Variants in GCNT2 observed in about 807,000 individuals in gnomAD.
The protein encoded by GCNT2 is N-acetyllactosaminide beta-1,6-N-acetylglucosaminyl-transferase.
Under a neutral mutation model 34.2 loss-of-function variants are expected in GCNT2, and 34 were observed. The ratio of observed to expected loss-of-function variants is 1.00; its 90% CI spans 0.76 to 1.32. GCNT2 has a LOEUF of 1.32. Among genes scored for constraint, GCNT2 ranks in the 40% most tolerant of loss-of-function variants. The pLI is 0.00. For synonymous variants in GCNT2, 212 were observed against 188.0 expected (o/e 1.13, Z -1.04); for missense variants, 584 against 489.4 (o/e 1.19, Z -1.82).
At chr6:10,539,803 A>AG (rs1461647232) in intron 3 of GCNT2, among the ~76,000 whole-genome samples, 1 of 152,258 alleles carries the variant, frequency 6.6e-6, no homozygotes, top group African/African-American at 2.4e-5. Context: ...CAGGTATGTG[A>AG]GGCCGGGCAT....
chr6:10,602,963 G>A (rs1765144967), intron 3 of GCNT2, among the ~76,000 whole-genome samples: 3 of 152,170 alleles, frequency 2.0e-5, no homozygotes, highest in Admixed American at 2.0e-4. Flanking sequence ...ATTTGAAAGA[G>A]TCAGTAAAAC....
chr6:10,569,005 TATC>T (rs1763407086), intron 3 of GCNT2, among the ~76,000 whole-genome samples: 2 of 152,166 alleles, frequency 1.3e-5, no homozygotes, highest in South Asian at 4.1e-4. Context: ...ATCTCTGCAT[TATC>T]ATTATTAATG....
chr6:10,545,246 C>T (rs1762220685), intron 3 of GCNT2, among the ~76,000 whole-genome samples: 1 of 151,996 alleles, frequency 6.6e-6, no homozygotes, highest in Non-Finnish European at 1.5e-5. Flanking sequence ...TTTGCTTTTA[C>T]TTTTTTGGCT....
At chr6:10,542,139 AAAAAG>A (rs1430457549) in intron 3 of GCNT2, among the ~76,000 whole-genome samples, 3 of 152,086 alleles carry the variant, frequency 2.0e-5, no homozygotes, top group Admixed American at 2.0e-4. Context: ...TTTAAAAAGA[AAAAAG>A]AAAAAATATC....
chr6:10,617,079 G>A (rs1581489117), intron 3 of GCNT2, among the ~76,000 whole-genome samples: 1 of 152,242 alleles, frequency 6.6e-6, no homozygotes, highest in Admixed American at 6.5e-5. Context: ...CCTTTGGGCG[G>A]TCGATGGGAC....
intron 2 of GCNT2, 68 bp from the exon 3 acceptor site, chr6:10,528,563 A>G (rs1561776526): frequency 2.8e-6 from 1 of 356,618 alleles, no homozygotes; most frequent in Admixed American, 4.1e-5. Context: ...CCCACTTGTA[A>G]TTTCATGGTG....
chr6:10,525,488 G>A (rs971004233), intron 1 of GCNT2, among the ~76,000 whole-genome samples: 2 of 152,122 alleles, frequency 1.3e-5, no homozygotes, highest in Non-Finnish European at 2.9e-5. Flanking sequence ...CAAGAGCCTA[G>A]AGCCCAGAAT....
At position 10,617,750 on chromosome 6, in the gene GCNT2, C is replaced by CTTTTTTTTTTTT. The variant is rs3064178; in HGVS notation, c.926-3590_926-3579dup. 2.8e-3 allele frequency among the ~76,000 whole-genome samples: 285 copies of CTTTTTTTTTTTT among 101,638 alleles called. 28 individuals carry two copies. The highest frequency in any genetic ancestry group is 0.013 in the African/African-American group (253 of 19,860). The allele number at this position is 101,638 out of a possible 152,430, so 66.7% of individuals were successfully genotyped here. On this transcript the variant is annotated intron_variant, in intron 3 of 4. Transcript: ENST00000495262. Reference sequence around the variant, plus strand: ...CACCTGGCCAGAGTCTGCATTTCTTCTTTTTTTTTTTTTTTTTTTTTTGAC... The same window carrying CTTTTTTTTTTTT: ...CACCTGGCCAGAGTCTGCATTTCTTCTTTTTTTTTTTTTTTTTTTTTTTTTTTTTTTTTTGAC...
At chr6:10,584,532 G>A (rs963660442) in intron 3 of GCNT2, among the ~76,000 whole-genome samples, 1 of 152,144 alleles carries the variant, frequency 6.6e-6, no homozygotes, top group Non-Finnish European at 1.5e-5. Context: ...GGGGCTGTAA[G>A]GTCTTTCCCT....
chr6:10,612,808 G>A (rs1330355120), intron 3 of GCNT2, among the ~76,000 whole-genome samples: 2 of 152,158 alleles, frequency 1.3e-5, no homozygotes, highest in Non-Finnish European at 1.5e-5. Context: ...GTCAGTTATC[G>A]TGTGTAATGT....
In GCNT2 at chr6:10,561,501, G is replaced by A. The variant is rs188317316; in HGVS notation, c.925+31665G>A. Reference sequence around the variant, plus strand: ...ATCTGCCTATCTTCCCCAAGGCAGAGCACCTGAAGCCATTTAATTTTTGCT... The same window carrying A: ...ATCTGCCTATCTTCCCCAAGGCAGAACACCTGAAGCCATTTAATTTTTGCT... On this transcript the variant is annotated intron_variant, in intron 3 of 4. Coordinates refer to ENST00000495262, the MANE Select transcript of GCNT2 (RefSeq NM_145649.5). Among the ~76,000 whole-genome samples the A allele has an allele frequency of 1.7e-3, 264 of 152,300 alleles. 1 individual carries two copies. Among genetic ancestry groups the A allele is most frequent in the African/African-American group, 5.9e-3 (245 of 41,564 alleles).
chr6:10,591,094 T>C (rs774445393), intron 3 of GCNT2, among the ~76,000 whole-genome samples: 2 of 152,232 alleles, frequency 1.3e-5, no homozygotes, highest in Non-Finnish European at 2.9e-5. Context: ...CAGCATTGAA[T>C]TGTAGTCACC....
chr6:10,572,430 G>T (rs1763593517), intron 3 of GCNT2, among the ~76,000 whole-genome samples: 1 of 152,116 alleles, frequency 6.6e-6, no homozygotes, highest in Non-Finnish European at 1.5e-5. Flanking sequence ...TCATCTAAAA[G>T]GATAGATGGC....
Position 10,608,751 on chromosome 6 carries a change from TTA to T in GCNT2, c.926-12598_926-12597del, listed in dbSNP as rs1339455954. ...TCCTAACAAGGTTGAGCATGTTTTC[TTA>T]TGTTAGACATTTGCATAAGCCAAGG... is the stretch of plus-strand genomic sequence containing the variant. On this transcript the variant is annotated intron_variant, in intron 3 of 4. Transcript: ENST00000495262. Among the ~76,000 whole-genome samples, 6 of 152,228 alleles carry T rather than the reference TTA, an allele frequency of 3.9e-5. No homozygotes were observed. In the East Asian group the frequency reaches 1.2e-3, roughly 29 times the overall value.
At chr6:10,622,353 G>T (rs1338132407) in intron 4 of GCNT2, among the ~76,000 whole-genome samples, 1 of 151,950 alleles carries the variant, frequency 6.6e-6, no homozygotes, top group South Asian at 2.1e-4. Flanking sequence ...AGATCCAGGT[G>T]TCAGCAGGGC....
At chr6:10,556,954 C>A in intron 3 of GCNT2, 1 of 1,614,018 alleles carries the variant, frequency 6.2e-7, no homozygotes, top group Admixed American at 1.7e-5. Flanking sequence ...ATCTTTCTGC[C>A]TTCGAGGTCT....
At chr6:10,592,534 A>ATT (rs1014261242) in intron 3 of GCNT2, among the ~76,000 whole-genome samples, 7 of 152,146 alleles carry the variant, frequency 4.6e-5, no homozygotes, top group African/African-American at 1.4e-4. Context: ...GTTATAAAGT[A>ATT]TTTACACAGT....
intron 3 of GCNT2, among the ~76,000 whole-genome samples, chr6:10,569,275 C>CACACACACACACACACACACA (rs1491437125): frequency 0.06 from 5,983 of 100,528 alleles, 817 homozygotes; most frequent in Non-Finnish European, 0.072. Flanking sequence ...ACACACACAC[C>CACACACACACACACACACACA]CCCTAGGTAA....
intron 3 of GCNT2, among the ~76,000 whole-genome samples, chr6:10,619,883 A>G (rs1000000606): frequency 6.6e-6 from 1 of 152,196 alleles, no homozygotes; most frequent in African/African-American, 2.4e-5. Context: ...GGCCACTCAC[A>G]TTCCTGGCTG....
Sources: allele counts gnomAD v4.1 joint callset (sites outside exome capture counted in the v4.1 genomes callset), GRCh38; gene constraint gnomAD v4.1.1; transcripts MANE v1.5; gene names NCBI Gene and HGNC (gene_info 2026-07-23, HGNC 2026-07-21).